ANKRD13A: variants seen among roughly 807,000 people sequenced by gnomAD.
ANKRD13A encodes ankyrin repeat domain 13A, also known as ankyrin repeat domain-containing protein 13A.
Under a neutral mutation model 81.3 loss-of-function variants are expected in ANKRD13A, and 48 were observed. That is an observed-to-expected ratio of 0.59 (90% CI 0.47 to 0.75). ANKRD13A has a LOEUF of 0.75. ANKRD13A is among the 30% of genes least tolerant of loss of function. The pLI is 0.00. For missense variants in ANKRD13A, 612 were observed against 734.0 expected (o/e 0.83, Z 1.92); for synonymous variants, 230 against 270.1 (o/e 0.85, Z 1.45).
intron 12 of ANKRD13A, 78 bp from the exon 13 acceptor site, chr12:110,033,719 T>C (rs1011681193): frequency 7.5e-7 from 1 of 1,331,430 alleles, no homozygotes; most frequent in African/African-American, 1.5e-5. Context: ...CTTTTTTTTC[T>C]AATGTACAAC....
intron 8 of ANKRD13A, 137 bp downstream of exon 8, chr12:110,025,960 CTCTCTT>C: frequency 3.0e-6 from 2 of 662,266 alleles, no homozygotes; most frequent in Admixed American, 3.6e-5. Context: ...TTCTCTCTCT[CTCTCTT>C]TTTTTTTTTT....
At chr12:110,029,344 A>C in intron 10 of ANKRD13A, 134 bp from the exon 11 acceptor site, 1 of 968,352 alleles carries the variant, frequency 1.0e-6, no homozygotes, top group Non-Finnish European at 1.5e-6. Context: ...TTTGACCTTT[A>C]ATAGGTCTGA....
intron 14 of ANKRD13A, 138 bp from the exon 15 acceptor site, chr12:110,037,221 A>T (rs1892116242): frequency 1.2e-6 from 1 of 864,884 alleles, no homozygotes; most frequent in Admixed American, 2.4e-5. Flanking sequence ...ACCGCCAGTT[A>T]TGTGGGATTA....
At chr12:110,027,962 G>A in intron 9 of ANKRD13A, 196 bp downstream of exon 9, 1 of 579,976 alleles carries the variant, frequency 1.7e-6, no homozygotes, top group East Asian at 2.9e-5. Context: ...GATTTTAGAG[G>A]AGGGGTAGTG....
intron 2 of ANKRD13A, among the ~76,000 whole-genome samples, chr12:110,012,627 T>C (rs1890587546): frequency 6.6e-6 from 1 of 152,202 alleles, no homozygotes; most frequent in South Asian, 2.1e-4. Flanking sequence ...CTGAGGAATA[T>C]GGTTACCTCC....
chr12:110,012,167 C>A, intron 2 of ANKRD13A, 30 bp downstream of exon 2: 1 of 1,577,240 alleles, frequency 6.3e-7, no homozygotes, highest in Non-Finnish European at 8.7e-7. Context: ...AATTTAAAGT[C>A]CGTCTGAGCA....
rs189732163 is a variant in ANKRD13A at position 110,007,018 on chromosome 12, G to A, written c.97-4987G>A. 3.3e-5 allele frequency among the ~76,000 whole-genome samples: 5 copies of A among 152,272 alleles called. No individual in the cohort carries two copies. The East Asian group carries it at 9.6e-4, about 29-fold the overall frequency. On this transcript the variant is annotated intron_variant, in intron 1 of 14. Coordinates refer to ENST00000261739, the MANE Select transcript of ANKRD13A (RefSeq NM_033121.2). ...AAAATCAATTGACCATAAATGTGTG[G>A]GTTTATTTCTGGACTCTAAATTGTA...
At chr12:110,010,449 A>T (rs991702964) in intron 1 of ANKRD13A, among the ~76,000 whole-genome samples, 3 of 152,224 alleles carry the variant, frequency 2.0e-5, no homozygotes, top group Non-Finnish European at 2.9e-5. Context: ...TGTTACTTTT[A>T]AAAAAATATT....
intron 13 of ANKRD13A, among the ~76,000 whole-genome samples, chr12:110,035,468 G>A (rs1891981611): frequency 6.7e-6 from 1 of 149,294 alleles, no homozygotes; most frequent in Admixed American, 6.7e-5. Flanking sequence ...TTTAATTTTT[G>A]AGGCAGAGTC....
intron 8 of ANKRD13A, among the ~76,000 whole-genome samples, chr12:110,026,432 C>A (rs951244631): frequency 6.6e-6 from 1 of 151,490 alleles, no homozygotes; most frequent in African/African-American, 2.4e-5. Context: ...ACAAAATTAG[C>A]TGGGTGTGGT....
chr12:110,005,495 C>G (rs971864909), intron 1 of ANKRD13A, among the ~76,000 whole-genome samples: 23 of 152,172 alleles, frequency 1.5e-4, no homozygotes, highest in African/African-American at 5.6e-4. Context: ...CATTTCTCCC[C>G]AACCCCTCCA....
intron 1 of ANKRD13A, among the ~76,000 whole-genome samples, chr12:110,003,181 T>C (rs1185940405): frequency 6.6e-6 from 1 of 152,056 alleles, no homozygotes; most frequent in African/African-American, 2.4e-5. Flanking sequence ...TTAGACAGGG[T>C]TGGAAAACCT....
chr12:110,002,258 A>G (rs1309712147), intron 1 of ANKRD13A, among the ~76,000 whole-genome samples: 1 of 152,236 alleles, frequency 6.6e-6, no homozygotes, highest in Admixed American at 6.5e-5. Flanking sequence ...CTGGGGATTG[A>G]GCTTTTTTGC....
At chr12:110,010,845 TGC>T (rs1309573026) in intron 1 of ANKRD13A, among the ~76,000 whole-genome samples, 1 of 152,242 alleles carries the variant, frequency 6.6e-6, no homozygotes, top group East Asian at 1.9e-4. Context: ...TGGCACTTTC[TGC>T]GTATCTTCAG....
At position 109,999,685 on chromosome 12, in the gene ANKRD13A, C is replaced by T. The variant is rs1322417894; in HGVS notation, c.-4C>T. 1 of 1,532,668 alleles carries T rather than the reference C, an allele frequency of 6.5e-7. No individual in the cohort carries two copies. Among genetic ancestry groups the T allele is most frequent in the Non-Finnish European group, 8.8e-7 (1 of 1,138,712 alleles). 94.9% of individuals were successfully genotyped at this position (1,532,668 alleles called of 1,614,324 possible). A position where few individuals can be genotyped will look rare whatever the true frequency, so the allele number is the denominator to read the frequency against. On this transcript the variant is annotated 5_prime_UTR_variant, in exon 1 of 15. Coordinates refer to ENST00000261739, the MANE Select transcript of ANKRD13A (RefSeq NM_033121.2). The surrounding 1 kb of genome is among the most constrained non-coding windows in gnomAD (Gnocchi z 4.3). ...GACGAGGACCAGGTTACGGCCTCCT[C>T]GCCATGTCCTCGGCCTGCGACGCGG...
At chr12:110,009,740 T>C (rs946225013) in intron 1 of ANKRD13A, among the ~76,000 whole-genome samples, 1 of 152,228 alleles carries the variant, frequency 6.6e-6, no homozygotes, top group African/African-American at 2.4e-5. Flanking sequence ...CTCTGTGGCT[T>C]ATCCATAGGT....
At position 110,037,513 on chromosome 12, in the gene ANKRD13A, G is replaced by A. The variant is rs1566067041; in HGVS notation, c.1732G>A (p.Glu578Lys). The A allele has an allele frequency of 6.2e-7, 1 of 1,614,010 alleles. No individual in the cohort carries two copies. Among genetic ancestry groups the A allele is most frequent in the Admixed American group, 1.7e-5 (1 of 60,026 alleles). The change falls in exon 15 of 15, where the codon GAG (glutamate) becomes AAG (lysine). Residue 578 changes from glutamate (E) to lysine (K), a missense_variant. Glu to Lys is a moderately conservative substitution (Grantham distance 56). Transcript: ENST00000261739. Reference protein sequence around the residue: ...WELRLQEEEAELQQVLQLSLT... With the variant: ...WELRLQEEEAKLQQVLQLSLT... Reference sequence around the variant, plus strand: ...GCTCCGGCTCCAGGAGGAAGAGGCTGAGCTCCAGCAAGTCTTACAGCTGTC... The same window carrying A: ...GCTCCGGCTCCAGGAGGAAGAGGCTAAGCTCCAGCAAGTCTTACAGCTGTC...
chr12:110,010,214 G>A (rs1316630123), intron 1 of ANKRD13A, among the ~76,000 whole-genome samples: 1 of 152,176 alleles, frequency 6.6e-6, no homozygotes, highest in Non-Finnish European at 1.5e-5. Flanking sequence ...TTGCTCTGGG[G>A]TGTGAATTGT....
intron 1 of ANKRD13A, among the ~76,000 whole-genome samples, chr12:110,000,710 C>T (rs1326811043): frequency 6.6e-6 from 1 of 151,830 alleles, no homozygotes; most frequent in East Asian, 1.9e-4. Context: ...GCCCCCAAAG[C>T]CGACAGCGTC....
Sources: gnomAD v4.1 joint callset for allele counts (sites outside exome capture counted in the v4.1 genomes callset) on GRCh38, gnomAD v4.1.1 for gene constraint, Gnocchi (gnomAD v3.1) non-coding constraint, MANE v1.5 for transcripts, NCBI Gene and HGNC (gene_info 2026-07-23, HGNC 2026-07-21) for gene names.